TTBK2: variants seen among roughly 807,000 people sequenced by gnomAD.
TTBK2 encodes tau tubulin kinase 2, also known as tau-tubulin kinase 2.
Under a neutral mutation model 110.8 loss-of-function variants are expected in TTBK2, and 28 were observed. The observed-to-expected ratio is 0.25, with a 90% confidence interval of 0.19 to 0.35. TTBK2 has a LOEUF of 0.35. Ranked by LOEUF, TTBK2 falls within the 10% of genes least tolerant of loss-of-function variation. The probability of loss-of-function intolerance (pLI) is 1.00; values close to 1 mark genes in which losing one functional copy is unlikely to be tolerated. For missense variants in TTBK2, 1,369 were observed against 1,500.3 expected, an observed-to-expected ratio of 0.91 and a Z score of 1.45; for synonymous variants, 532 against 527.3, an observed-to-expected ratio of 1.01 and a Z score of -0.12.
intron 6 of TTBK2, among the ~76,000 whole-genome samples, chr15:42,822,733 G>A (rs1595950666): frequency 6.6e-6 from 1 of 152,224 alleles, no homozygotes. Context: ...AGTAACAATT[G>A]AGAAAATGCT....
intron 3 of TTBK2, among the ~76,000 whole-genome samples, chr15:42,846,250 A>G (rs1893461542): frequency 6.7e-6 from 1 of 148,816 alleles, no homozygotes; most frequent in African/African-American, 2.5e-5. Flanking sequence ...AGTGCAGTGG[A>G]CTGATCTCAT....
intron 10 of TTBK2, among the ~76,000 whole-genome samples, chr15:42,788,686 A>G (rs924169768): frequency 6.6e-6 from 1 of 152,024 alleles, no homozygotes; most frequent in African/African-American, 2.4e-5. Flanking sequence ...ATTCTACATC[A>G]TCTGTTATTA....
chr15:42,881,602 G>A (rs956045828), intron 1 of TTBK2, among the ~76,000 whole-genome samples: 16 of 151,990 alleles, frequency 1.1e-4, no homozygotes, highest in African/African-American at 3.4e-4. Context: ...GGCCAGGCGC[G>A]GTGGCTCATG....
chr15:42,895,346 G>A (rs1895623587), intron 1 of TTBK2, among the ~76,000 whole-genome samples: 1 of 151,970 alleles, frequency 6.6e-6, no homozygotes, highest in African/African-American at 2.4e-5. Flanking sequence ...GTCCATTGAG[G>A]GTACAGGGTA....
chr15:42,894,929 A>G (rs1259651722), intron 1 of TTBK2, among the ~76,000 whole-genome samples: 1 of 152,216 alleles, frequency 6.6e-6, no homozygotes, highest in Non-Finnish European at 1.5e-5. Flanking sequence ...CAATTCATGC[A>G]GTACAGCAGA....
intron 9 of TTBK2, among the ~76,000 whole-genome samples, chr15:42,805,347 C>T (rs995913408): frequency 3.3e-5 from 5 of 151,906 alleles, no homozygotes; most frequent in African/African-American, 1.2e-4. Flanking sequence ...AGAGTTGAAC[C>T]GAAGAAACTA....
Position 42,753,232 on chromosome 15 carries a change from G to A in TTBK2, c.2014C>T (p.Pro672Ser), listed in dbSNP as rs1225135224. Residue 672 changes from proline to serine, a missense_variant, in exon 14 of 15, where the codon CCT (proline) becomes TCT (serine). Pro to Ser is a moderately conservative substitution (Grantham distance 74). This residue lies in a region of TTBK2 where 1,097 missense variants were observed against 1,114.7 expected (regional missense o/e 0.98). Coordinates refer to ENST00000267890, the MANE Select transcript of TTBK2 (RefSeq NM_173500.4). ...GPLTAITIPR[P>S]SVASTQSTSG... ...GTTGACTGTGTAGATGCCACAGAAG[G>A]TCTAGGAATTGTAATCTGGAGAAGG... 3 of 1,613,888 alleles carry A rather than the reference G, an allele frequency of 1.9e-6. No individual in the cohort carries two copies. The highest frequency in any genetic ancestry group is 2.5e-6 in the Non-Finnish European group (3 of 1,180,000).
intron 14 of TTBK2, among the ~76,000 whole-genome samples, chr15:42,748,096 C>T (rs1254879456): frequency 1.3e-5 from 2 of 152,162 alleles, no homozygotes; most frequent in East Asian, 3.8e-4. Flanking sequence ...AAAGGCACTA[C>T]AACCCAAGTT....
chr15:42,904,917 G>C (rs772811078), intron 1 of TTBK2, among the ~76,000 whole-genome samples: 7 of 151,282 alleles, frequency 4.6e-5, no homozygotes, highest in African/African-American at 7.3e-5. Context: ...TGTCGCCCAA[G>C]CTGTAGGGCA....
chr15:42,887,746 C>T (rs907506252), intron 1 of TTBK2, among the ~76,000 whole-genome samples: 2 of 151,906 alleles, frequency 1.3e-5, no homozygotes, highest in Non-Finnish European at 2.9e-5. Context: ...TTTCACTATT[C>T]CTTTGCACCC....
chr15:42,877,929 T>C (rs1036791770), intron 2 of TTBK2, among the ~76,000 whole-genome samples: 3 of 151,944 alleles, frequency 2.0e-5, no homozygotes, highest in Non-Finnish European at 4.4e-5. Flanking sequence ...AAATTAATCA[T>C]ACATTGATGA....
chr15:42,790,263 C>G (rs934511068), intron 10 of TTBK2, among the ~76,000 whole-genome samples: 1 of 150,750 alleles, frequency 6.6e-6, no homozygotes. Context: ...TATATTTCTT[C>G]CTCTACAAGA....
intron 13 of TTBK2, among the ~76,000 whole-genome samples, chr15:42,763,683 G>A (rs1215628163): frequency 1.3e-5 from 2 of 152,076 alleles, no homozygotes; most frequent in Non-Finnish European, 2.9e-5. Context: ...TGATTATTAT[G>A]TGCCAATTAT....
intron 13 of TTBK2, among the ~76,000 whole-genome samples, chr15:42,757,812 C>T (rs1208042891): frequency 6.6e-5 from 10 of 152,282 alleles, no homozygotes; most frequent in Middle Eastern, 3.4e-3. Context: ...CAATCATTTC[C>T]TTTCTTCTGT....
chr15:42,818,714 C>T (rs566426359), intron 6 of TTBK2, among the ~76,000 whole-genome samples: 1 of 151,816 alleles, frequency 6.6e-6, no homozygotes, highest in East Asian at 2.0e-4. Context: ...AACGAGACTC[C>T]GTCTCAAAAA....
In TTBK2 at chr15:42,763,129, TAC is replaced by T. The variant is rs1340162007; in HGVS notation, c.1999-9884_1999-9883del. ...GTATATATATATATACACATATATATACATATATACATACATATATATATATA... is the reference window on the plus strand; with the variant it reads ...GTATATATATATATACACATATATATATATATACATACATATATATATATA... On this transcript the variant is annotated intron_variant, in intron 13 of 14. Transcript: ENST00000267890. Among the ~76,000 whole-genome samples, 481 of 98,126 alleles carry T rather than the reference TAC, an allele frequency of 4.9e-3. 21 individuals are homozygous for T. The highest frequency in any genetic ancestry group is 0.023 in the African/African-American group (447 of 19,198). The allele number at this position is 98,126 out of a possible 152,430, so 64.4% of individuals were successfully genotyped here. A position where few individuals can be genotyped will look rare whatever the true frequency, so the allele number is the denominator to read the frequency against.
chr15:42,889,047 T>G (rs1453387794), intron 1 of TTBK2, among the ~76,000 whole-genome samples: 1 of 152,158 alleles, frequency 6.6e-6, no homozygotes, highest in Non-Finnish European at 1.5e-5. Flanking sequence ...CATAATCTCT[T>G]CCATGTAGGT....
At chr15:42,880,942 C>T (rs1445338987) in intron 1 of TTBK2, among the ~76,000 whole-genome samples, 1 of 152,054 alleles carries the variant, frequency 6.6e-6, no homozygotes. Context: ...ATAAAATAAA[C>T]CATTGCATCC....
intron 10 of TTBK2, among the ~76,000 whole-genome samples, chr15:42,788,331 T>C (rs573800062): frequency 6.6e-6 from 1 of 152,296 alleles, no homozygotes; most frequent in Admixed American, 6.5e-5. Flanking sequence ...TTTTTGTGAA[T>C]GTTCCAGGGG....
Sources: allele counts gnomAD v4.1 joint callset (sites outside exome capture counted in the v4.1 genomes callset), GRCh38; gene constraint gnomAD v4.1.1; regional missense constraint gnomAD v4.1.1; transcripts MANE v1.5; gene names NCBI Gene and HGNC (gene_info 2026-07-23, HGNC 2026-07-21).